The following FNBP1 variants were observed in gnomAD, a reference collection of about 807,000 sequenced individuals.
FNBP1 encodes the protein formin binding protein 1, also known as formin-binding protein 1.
A neutral mutation model predicts 90.6 loss-of-function variants in FNBP1; 26 were observed. The ratio of observed to expected loss-of-function variants is 0.29; its 90% confidence interval spans 0.21 to 0.40. FNBP1 has a LOEUF of 0.40. FNBP1 is among the 10% of genes least tolerant of loss of function. FNBP1 has a pLI of 1.00. For synonymous variants in FNBP1, 260 were observed against 265.2 expected (o/e 0.98, Z 0.19); for missense variants, 635 against 768.0 (o/e 0.83, Z 2.05).
At chr9:130,020,557 G>A (rs978176923) in intron 1 of FNBP1, among the ~76,000 whole-genome samples, 2 of 152,024 alleles carry the variant, frequency 1.3e-5, no homozygotes, top group Admixed American at 6.6e-5. Flanking sequence ...CTGCCTATTT[G>A]AGAAAAGCAA....
chr9:129,992,975 C>A (rs943192326), intron 2 of FNBP1, among the ~76,000 whole-genome samples: 1 of 149,580 alleles, frequency 6.7e-6, no homozygotes, highest in Non-Finnish European at 1.5e-5. Flanking sequence ...GCCTGTAATC[C>A]CAGCACTTTG....
chr9:129,915,584 G>A (rs889200554), intron 11 of FNBP1, among the ~76,000 whole-genome samples: 1 of 152,078 alleles, frequency 6.6e-6, no homozygotes, highest in Non-Finnish European at 1.5e-5. Flanking sequence ...GGTTGGTCTC[G>A]AACTCCTGAG....
chr9:129,992,920 T>A (rs1589129457), intron 2 of FNBP1, among the ~76,000 whole-genome samples: 2 of 135,734 alleles, frequency 1.5e-5, no homozygotes, highest in Admixed American at 1.5e-4. Flanking sequence ...TTGAAGAAAA[T>A]TAAAAAAAAA....
intron 1 of FNBP1, among the ~76,000 whole-genome samples, chr9:130,039,210 C>A (rs1018755930): frequency 6.6e-6 from 1 of 152,184 alleles, no homozygotes; most frequent in Non-Finnish European, 1.5e-5. Context: ...TATGCTTCCA[C>A]GTAGATATCT....
chr9:129,937,347 T>C (rs145104568), intron 6 of FNBP1, among the ~76,000 whole-genome samples: 303 of 152,356 alleles, frequency 2.0e-3, no homozygotes, highest in Non-Finnish European at 3.9e-3. Flanking sequence ...TTAAATATTA[T>C]GTCACACTTT....
intron 4 of FNBP1, among the ~76,000 whole-genome samples, chr9:129,965,806 AGGGAGGGAGGG>A (rs201115345): frequency 0.11 from 10,161 of 95,368 alleles, 581 homozygotes; most frequent in Middle Eastern, 0.18. Flanking sequence ...GGGGGGAAGG[AGGGAGGGAGGG>A]AGGAAGGAAG....
chr9:129,895,938 T>G lies in FNBP1; in HGVS notation c.1746A>C (p.Glu582Asp). 1 of 1,613,814 alleles carries G rather than the reference T, an allele frequency of 6.2e-7. No individual in the cohort carries two copies. The highest frequency in any genetic ancestry group is 1.6e-4 in the Middle Eastern group (1 of 6,062). The change falls in exon 16 of 17, where the codon GAA becomes GAC. Residue 582 changes from glutamate (E) to aspartate (D), a missense_variant. Glu to Asp is a conservative substitution (Grantham distance 45). Transcript: ENST00000446176. ...TGCGGGTCCAGCCATCGCCTTTGTC[T>G]TCCTCTATGACATACAATGTTTCTC... ...VEGETLYVIE[E>D]DKGDGWTRIR...
At position 129,887,883 on chromosome 9, in the gene FNBP1, C is replaced by T. The variant is rs1406903214; in HGVS notation, c.*2656G>A. The T allele has an allele frequency of 8.6e-6, 2 of 231,454 alleles. No homozygotes were observed. Among genetic ancestry groups the T allele is most frequent in the African/African-American group, 4.4e-5 (2 of 45,226 alleles). 14.3% of individuals were successfully genotyped at this position (231,454 alleles called of 1,614,324 possible). ...TTCACGGGAAATTCCACATTCTACT[C>T]TATGTGAACTGCTCCAGAAAAATAC... is the stretch of plus-strand genomic sequence containing the variant. On this transcript the variant is annotated 3_prime_UTR_variant, in exon 17 of 17. Transcript: ENST00000446176.
At chr9:130,002,447 G>T (rs189756267) in intron 1 of FNBP1, among the ~76,000 whole-genome samples, 9 of 152,206 alleles carry the variant, frequency 5.9e-5, no homozygotes, top group Middle Eastern at 6.8e-3. Context: ...CGTCCTTGAC[G>T]TAATGGGTGA....
chr9:130,006,746 C>T (rs771021656), intron 1 of FNBP1, among the ~76,000 whole-genome samples: 1 of 152,110 alleles, frequency 6.6e-6, no homozygotes, highest in Non-Finnish European at 1.5e-5. Flanking sequence ...GTTTCTGTTG[C>T]AGAAATGAAA....
At chr9:129,981,944 T>A (rs917669379) in intron 2 of FNBP1, among the ~76,000 whole-genome samples, 2 of 152,226 alleles carry the variant, frequency 1.3e-5, no homozygotes, top group African/African-American at 2.4e-5. Context: ...CATGTTGGCA[T>A]ACACGTCAAC....
chr9:129,895,307 G>A (rs1381862616), intron 16 of FNBP1: 7 of 1,061,244 alleles, frequency 6.6e-6, no homozygotes, highest in Middle Eastern at 4.2e-4. Flanking sequence ...AGTCAAGAAG[G>A]AGATGTTATT....
Position 129,972,129 on chromosome 9 carries a change from T to TTTTA in FNBP1, c.345+6332_345+6335dup, listed in dbSNP as rs530099308. Among the ~76,000 whole-genome samples the TTTTA allele has an allele frequency of 3.9e-5, 6 of 152,222 alleles. No individual in the cohort carries two copies. The East Asian group carries it at 5.8e-4, about 15-fold the overall frequency. ...TCCTATGCCATCAACCAATTCCACA[T>TTTTA]TTTATTTATTTATTTATTTTTCGAG... On this transcript the variant is annotated intron_variant, in intron 4 of 16. Coordinates refer to ENST00000446176, the MANE Select transcript of FNBP1 (RefSeq NM_015033.3).
chr9:129,916,172 G>T lies in FNBP1; in HGVS notation c.1171-192C>A, dbSNP rs575623241. On this transcript the variant is annotated intron_variant, in intron 10 of 16. Coordinates refer to ENST00000446176, the MANE Select transcript of FNBP1 (RefSeq NM_015033.3). ...TGTGCAAAAGTTCACAAGAAGGGCT[G>T]CTCCCTAATAACATTTTTCTTAGGC... 7 of 584,302 alleles carry T rather than the reference G, an allele frequency of 1.2e-5. No individual in the cohort carries two copies. The Admixed American group carries it at 1.2e-4, about 10-fold the overall frequency. The allele number at this position is 584,302 out of a possible 1,614,324, so 36.2% of individuals were successfully genotyped here.
At chr9:129,913,642 G>T (rs770599655) in intron 11 of FNBP1, among the ~76,000 whole-genome samples, 2 of 151,744 alleles carry the variant, frequency 1.3e-5, no homozygotes, top group Middle Eastern at 6.8e-3. Context: ...GTGGTGGCGC[G>T]CCCCTATAAT....
Position 129,890,423 on chromosome 9 carries a change from G to T in FNBP1, c.*116C>A. ...GGAGAGAGAGAGAGACCGCCCCGCA[G>T]GGATGGGGCTGCGGAGGGGTGGGCT... On this transcript the variant is annotated 3_prime_UTR_variant, in exon 17 of 17. Coordinates refer to ENST00000446176, the MANE Select transcript of FNBP1 (RefSeq NM_015033.3). The surrounding 1 kb of genome is among the most constrained non-coding windows in gnomAD (Gnocchi z 5.8). 1 of 839,064 alleles carries T rather than the reference G, an allele frequency of 1.2e-6. No homozygotes were observed. The highest frequency in any genetic ancestry group is 2.0e-6 in the Non-Finnish European group (1 of 504,762). The allele number at this position is 839,064 out of a possible 1,614,324, so 52.0% of individuals were successfully genotyped here.
At chr9:130,008,171 C>A (rs1433827841) in intron 1 of FNBP1, among the ~76,000 whole-genome samples, 3 of 151,290 alleles carry the variant, frequency 2.0e-5, no homozygotes, top group African/African-American at 7.3e-5. Context: ...ATGGCGAGAC[C>A]CACTCTGCAC....
chr9:129,994,433 AG>A (rs2053679659), intron 2 of FNBP1, among the ~76,000 whole-genome samples: 2 of 141,284 alleles, frequency 1.4e-5, no homozygotes, highest in African/African-American at 5.8e-5. Flanking sequence ...GGAGGGGGCC[AG>A]GGGGCCTGCC....
At chr9:129,926,891 GA>G (rs796179806) in intron 8 of FNBP1, among the ~76,000 whole-genome samples, 191 of 88,454 alleles carry the variant, frequency 2.2e-3, no homozygotes, top group Middle Eastern at 5.8e-3. Context: ...ATCTCAAAAA[GA>G]AAAAAAAAAA....
Sources: allele counts gnomAD v4.1 joint callset (sites outside exome capture counted in the v4.1 genomes callset), GRCh38; gene constraint gnomAD v4.1.1; non-coding constraint Gnocchi (gnomAD v3.1); transcripts MANE v1.5; gene names NCBI Gene and HGNC (gene_info 2026-07-23, HGNC 2026-07-21).